FGF13: variants seen among roughly 807,000 people sequenced by gnomAD.
The protein encoded by FGF13 is fibroblast growth factor 13.
Under a neutral mutation model 19.5 loss-of-function variants are expected in FGF13, and 2 were observed. That is an observed-to-expected ratio of 0.10 (90% CI 0.04 to 0.32). FGF13 has a LOEUF of 0.32. Among genes scored for constraint, FGF13 ranks in the 10% least tolerant of loss-of-function variants. The probability of loss-of-function intolerance (pLI) is 1.00; values close to 1 mark genes in which losing one functional copy is unlikely to be tolerated. For missense variants in FGF13, 113 were observed against 192.7 expected, an observed-to-expected ratio of 0.59 and a Z score of 2.45; for synonymous variants, 72 against 76.9, an observed-to-expected ratio of 0.94 and a Z score of 0.33.
At chrX:138,780,798 C>T (rs980201436) in intron 3 of FGF13, among the ~76,000 whole-genome samples, 2 of 110,941 alleles carry the variant, frequency 1.8e-5, no homozygotes, top group Non-Finnish European at 3.8e-5. Context: ...TTGAACTCAC[C>T]TCTGCACCAA....
At chrX:138,649,926 T>C (rs2089350691) in intron 3 of FGF13, among the ~76,000 whole-genome samples, 1 of 112,254 alleles carries the variant, frequency 8.9e-6, no homozygotes, top group Non-Finnish European at 1.9e-5. Flanking sequence ...TTTTTCTATA[T>C]GCCATTTAAT....
At position 138,641,636 on chromosome X, in the gene FGF13, A is replaced by C. The variant is rs139252353; in HGVS notation, c.403-5981T>G. Among the ~76,000 whole-genome samples, 571 of 112,083 alleles carry C rather than the reference A, an allele frequency of 5.1e-3. 6 individuals carry two copies. The highest frequency in any genetic ancestry group is 0.018 in the African/African-American group (547 of 30,835). ...GACAATGTAACTACCTATATTCTCTATACAGGCTTCCCCTCCACCAGTGAT... is the reference window on the plus strand; with the variant it reads ...GACAATGTAACTACCTATATTCTCTCTACAGGCTTCCCCTCCACCAGTGAT... On this transcript the variant is annotated intron_variant, in intron 3 of 4. Coordinates refer to ENST00000315930, the MANE Select transcript of FGF13 (RefSeq NM_004114.5).
At chrX:138,966,101 G>C (rs1040269618) in intron 1 of FGF13, among the ~76,000 whole-genome samples, 4 of 111,639 alleles carry the variant, frequency 3.6e-5, no homozygotes, top group Non-Finnish European at 7.5e-5. Context: ...TGAGTGGACT[G>C]GGAGAAGCAG....
chrX:139,163,929 G>T (rs1227704785), intron 1 of FGF13, among the ~76,000 whole-genome samples: 2 of 110,578 alleles, frequency 1.8e-5, no homozygotes, highest in African/African-American at 6.6e-5. Flanking sequence ...ATGCTTATTT[G>T]GTATGCTTTT....
chrX:139,199,630 C>A (rs1603237565), intron 1 of FGF13, among the ~76,000 whole-genome samples: 1 of 111,370 alleles, frequency 9.0e-6, no homozygotes, highest in Admixed American at 9.5e-5. Context: ...CCAGTCCTGA[C>A]CCTGTCCTCA....
chrX:138,992,027 T>C (rs1404048826), intron 1 of FGF13, among the ~76,000 whole-genome samples: 1 of 111,829 alleles, frequency 8.9e-6, no homozygotes, highest in East Asian at 2.8e-4. Context: ...ATTGTTTTAA[T>C]GTGCATTTCT....
chrX:138,793,168 C>T (rs1479707841), intron 3 of FGF13, among the ~76,000 whole-genome samples: 2 of 111,240 alleles, frequency 1.8e-5, no homozygotes. Flanking sequence ...AACGAATTCT[C>T]CTCTAGACCT....
At chrX:138,722,214 C>T in intron 1 of FGF13, among the ~76,000 whole-genome samples, 1 of 111,901 alleles carries the variant, frequency 8.9e-6, no homozygotes, top group Non-Finnish European at 1.9e-5. Flanking sequence ...ATTAGGCTGC[C>T]TCCAAAAGCT....
chrX:139,197,993 C>CAAAAAAAAAAAAA (rs57335781), intron 1 of FGF13, among the ~76,000 whole-genome samples: 34 of 23,153 alleles, frequency 1.5e-3, no homozygotes, highest in Admixed American at 2.1e-3. Flanking sequence ...GACCCTACCT[C>CAAAAAAAAAAAAA]AAAAAAAAAA....
rs201798014 is a variant in FGF13 at position 138,748,479 on chromosome X, C to T, written c.218-39551G>A. ...ATCTATAAGCCAGAAAGAGAGGCTTCTCCAGAAACCAACCTAACAGTACCT... is the reference window on the plus strand; with the variant it reads ...ATCTATAAGCCAGAAAGAGAGGCTTTTCCAGAAACCAACCTAACAGTACCT... On this transcript the variant is annotated intron_variant, in intron 3 of 6. Transcript: ENST00000436198. Among the ~76,000 whole-genome samples, 254 of 111,554 alleles carry T rather than the reference C, an allele frequency of 2.3e-3. 5 individuals are homozygous for T. In the East Asian group the frequency reaches 0.052, roughly 23 times the overall value.
At chrX:138,706,263 C>T (rs191773707) in intron 2 of FGF13, among the ~76,000 whole-genome samples, 75 of 112,681 alleles carry the variant, frequency 6.7e-4, no homozygotes, top group Non-Finnish European at 9.6e-4. Context: ...AATAAAATTA[C>T]TGCCATGGAA....
At chrX:138,885,472 AG>A (rs2091446967) in intron 1 of FGF13, among the ~76,000 whole-genome samples, 1 of 111,610 alleles carries the variant, frequency 9.0e-6, no homozygotes, top group East Asian at 2.8e-4. Flanking sequence ...GAATATCACC[AG>A]TTACTTTGTA....
upstream of FGF13, chrX:139,204,947 C>G (rs1216542657): frequency 8.9e-6 from 1 of 112,263 alleles, no homozygotes; most frequent in African/African-American, 3.3e-5. Flanking sequence ...TCTCCCTACA[C>G]CCACACCCCC....
At chrX:138,635,305 G>T in intron 4 of FGF13, 152 bp downstream of exon 4, 1 of 490,792 alleles carries the variant, frequency 2.0e-6, no homozygotes, top group Non-Finnish European at 3.5e-6. Flanking sequence ...TATACTGCTT[G>T]GGTGATGAGT....
At chrX:138,829,607 A>C (rs187402256) in intron 3 of FGF13, among the ~76,000 whole-genome samples, 1 of 112,278 alleles carries the variant, frequency 8.9e-6, no homozygotes, top group East Asian at 2.8e-4. Context: ...CACAAAATGG[A>C]CTAAGGCAGA....
At chrX:138,634,569 T>C (rs745703226) in intron 4 of FGF13, among the ~76,000 whole-genome samples, 2 of 112,934 alleles carry the variant, frequency 1.8e-5, no homozygotes, top group Middle Eastern at 4.6e-3. Context: ...GTAAGTTTTT[T>C]AAATAAATGT....
intron 1 of FGF13, among the ~76,000 whole-genome samples, chrX:139,176,185 G>T (rs2084181860): frequency 9.0e-6 from 1 of 111,576 alleles, no homozygotes; most frequent in Non-Finnish European, 1.9e-5. Flanking sequence ...TAGTTTATTT[G>T]TATAGAGGTG....
intron 3 of FGF13, among the ~76,000 whole-genome samples, chrX:138,784,600 T>C (rs2090678212): frequency 9.0e-6 from 1 of 111,031 alleles, no homozygotes; most frequent in Non-Finnish European, 1.9e-5. Flanking sequence ...TTTGGGCCCT[T>C]ATTTCTCTAT....
At chrX:139,046,691 C>T (rs1367686806) in intron 1 of FGF13, among the ~76,000 whole-genome samples, 2 of 111,521 alleles carry the variant, frequency 1.8e-5, no homozygotes, top group Non-Finnish European at 3.8e-5. Flanking sequence ...CTCCATTTCT[C>T]CACCTCTTGA....
Sources: gnomAD v4.1 joint callset for allele counts (sites outside exome capture counted in the v4.1 genomes callset) on GRCh38, gnomAD v4.1.1 for gene constraint, MANE v1.5 for transcripts, NCBI Gene and HGNC (gene_info 2026-07-23, HGNC 2026-07-21) for gene names.